Variants in MAP9 observed in about 807,000 individuals in gnomAD.
The protein encoded by MAP9 is microtubule-associated protein 9.
A neutral mutation model predicts 75.2 loss-of-function variants in MAP9; 80 were observed. That is an observed-to-expected ratio of 1.06 (90% CI 0.89 to 1.28). MAP9 has a LOEUF of 1.28. MAP9 is among the 50% of genes most tolerant of loss of function. MAP9 has a pLI of 0.00. For missense variants in MAP9, 753 were observed against 719.9 expected, an observed-to-expected ratio of 1.05 and a Z score of -0.53; for synonymous variants, 235 against 237.3, an observed-to-expected ratio of 0.99 and a Z score of 0.09.
chr4:155,367,750 C>G (rs1732395435), intron 5 of MAP9, among the ~76,000 whole-genome samples: 1 of 152,196 alleles, frequency 6.6e-6, no homozygotes, highest in African/African-American at 2.4e-5. Flanking sequence ...TACTTCCAGT[C>G]TGAATTAGGG....
chr4:155,372,309 G>A (rs551766678), intron 4 of MAP9, among the ~76,000 whole-genome samples: 1 of 152,276 alleles, frequency 6.6e-6, no homozygotes, highest in East Asian at 1.9e-4. Context: ...CTGATGATAT[G>A]CAAGGAGATT....
At position 155,375,756 on chromosome 4, in the gene MAP9, T is replaced by C; in HGVS notation, c.75+20A>G. On this transcript the variant is annotated intron_variant, in intron 2 of 13. Coordinates refer to ENST00000311277, the MANE Select transcript of MAP9 (RefSeq NM_001039580.2). ...TACAGTGTTTACACTGTGAAATGAT[T>C]CCAAATAAAAATACTTTACCTGGAA... 6.6e-7 allele frequency: 1 copy of C among 1,517,788 alleles called. No homozygotes were observed. Among genetic ancestry groups the C allele is most frequent in the Non-Finnish European group, 9.1e-7 (1 of 1,094,826 alleles). 94.0% of individuals were successfully genotyped at this position (1,517,788 alleles called of 1,614,324 possible).
intron 5 of MAP9, chr4:155,368,328 G>T: frequency 3.5e-6 from 2 of 576,252 alleles, no homozygotes; most frequent in Non-Finnish European, 6.1e-6. Flanking sequence ...ACAATCACTG[G>T]TGTGTTATAG....
chr4:155,350,563 ATCT>A (rs1301981789), intron 13 of MAP9, among the ~76,000 whole-genome samples: 3 of 152,066 alleles, frequency 2.0e-5, no homozygotes, highest in Non-Finnish European at 2.9e-5. Context: ...GTCAGTGTAC[ATCT>A]TCTTAATATA....
At chr4:155,348,765 C>T (rs1041984086) in intron 13 of MAP9, among the ~76,000 whole-genome samples, 5 of 151,988 alleles carry the variant, frequency 3.3e-5, no homozygotes, top group African/African-American at 9.7e-5. Flanking sequence ...GTGTACTTTC[C>T]TATAATAAAT....
chr4:155,345,627 C>G lies in MAP9; in HGVS notation c.*2156G>C, dbSNP rs1326383494. 1 of 151,998 alleles carries G rather than the reference C, an allele frequency of 6.6e-6. No homozygotes were observed. Among genetic ancestry groups the G allele is most frequent in the East Asian group, 1.9e-4 (1 of 5,190 alleles). 9.4% of individuals were successfully genotyped at this position (151,998 alleles called of 1,614,324 possible). A position where few individuals can be genotyped will look rare whatever the true frequency, so the allele number is the denominator to read the frequency against. On this transcript the variant is annotated 3_prime_UTR_variant, in exon 14 of 14. Coordinates refer to ENST00000311277, the MANE Select transcript of MAP9 (RefSeq NM_001039580.2). ...CATGGTAATAAATCAATAATGACAA[C>G]AATGAACATTTAAGTCCTTATTATG...
intron 4 of MAP9, among the ~76,000 whole-genome samples, chr4:155,370,640 T>G (rs17032918): frequency 0.094 from 14,276 of 152,190 alleles, 1,658 homozygotes; most frequent in African/African-American, 0.28. Context: ...AAAGAAGGTG[T>G]TGAGTCAATT....
intron 13 of MAP9, chr4:155,352,382 C>T: frequency 2.5e-6 from 1 of 399,036 alleles, no homozygotes; most frequent in Non-Finnish European, 4.4e-6. Context: ...AACAAGTTTT[C>T]AGCCTGGGTG....
chr4:155,352,591 C>G lies in MAP9; in HGVS notation c.1821+5G>C, dbSNP rs371412028. ...GACGAAAGTGCATTGACAAATAATA[C>G]CTACCAGCCATTTTTCATATTCATT... is the stretch of plus-strand genomic sequence containing the variant. On this transcript the variant is annotated splice_donor_5th_base_variant and intron_variant, in intron 13 of 13. Transcript: ENST00000311277. 1 of 1,563,844 alleles carries G rather than the reference C, an allele frequency of 6.4e-7. No homozygotes were observed. Among genetic ancestry groups the G allele is most frequent in the African/African-American group, 1.4e-5 (1 of 72,498 alleles).
intron 6 of MAP9, 181 bp from the exon 7 acceptor site, chr4:155,360,596 A>G (rs1380738003): frequency 1.7e-6 from 1 of 583,706 alleles, no homozygotes; most frequent in African/African-American, 1.9e-5. Context: ...TACAAAAAAA[A>G]ATAGTCTAGG....
At chr4:155,354,470 C>CTTTT (rs11370097) in intron 10 of MAP9, 6,849 of 126,316 alleles carry the variant, frequency 0.054, 362 homozygotes, top group Non-Finnish European at 0.061. Flanking sequence ...CTTGTCGTGC[C>CTTTT]TTTTTTTTTT....
In MAP9 at chr4:155,373,372, T is replaced by G; in HGVS notation, c.245A>C (p.Glu82Ala). Residue 82 changes from glutamate to alanine, a missense_variant, in exon 4 of 14, where the codon GAA (glutamate) becomes GCA (alanine). Coordinates refer to ENST00000311277, the MANE Select transcript of MAP9 (RefSeq NM_001039580.2). Reference protein sequence around the residue: ...KMNDFHISDDEEKNPSKLLFL... With the variant: ...KMNDFHISDDAEKNPSKLLFL... Reference sequence around the variant, plus strand: ...CAATAGTTTTGAAGGATTCTTTTCTTCATCATCTGATATATGAAAGTCATT... The same window carrying G: ...CAATAGTTTTGAAGGATTCTTTTCTGCATCATCTGATATATGAAAGTCATT... 1 of 1,611,714 alleles carries G rather than the reference T, an allele frequency of 6.2e-7. No homozygotes were observed. Among genetic ancestry groups the G allele is most frequent in the Non-Finnish European group, 8.5e-7 (1 of 1,178,588 alleles).
chr4:155,345,947 G>A lies in MAP9; in HGVS notation c.*1836C>T, dbSNP rs1372926621. ...TGTTTTTGGTACTATGGGGGACACA[G>A]GAATGAGTAAGAGAGGTCCTAAATT... On this transcript the variant is annotated 3_prime_UTR_variant, in exon 14 of 14. Transcript: ENST00000311277. The A allele has an allele frequency of 6.6e-6, 1 of 152,104 alleles. No homozygotes were observed. The highest frequency in any genetic ancestry group is 2.4e-5 in the African/African-American group (1 of 41,414). 9.4% of individuals were successfully genotyped at this position (152,104 alleles called of 1,614,324 possible).
At chr4:155,359,763 T>TG (rs1452453116) in intron 7 of MAP9, among the ~76,000 whole-genome samples, 2 of 152,096 alleles carry the variant, frequency 1.3e-5, no homozygotes, top group Admixed American at 1.3e-4. Context: ...AAACATTTCT[T>TG]TAAGATTTTT....
intron 4 of MAP9, chr4:155,372,888 C>T: frequency 3.4e-6 from 1 of 290,316 alleles, no homozygotes; most frequent in Non-Finnish European, 6.3e-6. Flanking sequence ...TGGCTTTGTG[C>T]TTTGGCTTTC....
chr4:155,374,930 C>A lies in MAP9; in HGVS notation c.160+7G>T. ...AAAGTGGTTCACGTTTCCATACTGT[C>A]ACATACCAATCTCATCACTGTCAAA... On this transcript the variant is annotated splice_region_variant and intron_variant, in intron 3 of 13. Transcript: ENST00000311277. The A allele has an allele frequency of 6.4e-7, 1 of 1,560,522 alleles. No individual in the cohort carries two copies.
At chr4:155,363,498 C>G (rs1323324359) in intron 5 of MAP9, among the ~76,000 whole-genome samples, 1 of 151,952 alleles carries the variant, frequency 6.6e-6, no homozygotes, top group East Asian at 1.9e-4. Flanking sequence ...TTTAAAATAG[C>G]TAATATAAAT....
In MAP9 at chr4:155,357,437, T is replaced by C. The variant is rs1329370605; in HGVS notation, c.1121+12A>G. On this transcript the variant is annotated intron_variant, in intron 8 of 13. Transcript: ENST00000311277. ...CAAGCCCATAAATGACAAATATTGG[T>C]AACTTTATTACCTGGCAGATGCACT... 1 of 1,509,536 alleles carries C rather than the reference T, an allele frequency of 6.6e-7. No individual in the cohort carries two copies. Among genetic ancestry groups the C allele is most frequent in the Non-Finnish European group, 9.2e-7 (1 of 1,086,548 alleles). The allele number at this position is 1,509,536 out of a possible 1,614,324, so 93.5% of individuals were successfully genotyped here. A position where few individuals can be genotyped will look rare whatever the true frequency, so the allele number is the denominator to read the frequency against.
Position 155,374,940 on chromosome 4 carries a change from T to C in MAP9, c.157A>G (p.Ile53Val). The C allele has an allele frequency of 6.3e-7, 1 of 1,577,584 alleles. No homozygotes were observed. The highest frequency in any genetic ancestry group is 1.3e-5 in the African/African-American group (1 of 74,600). The stretch of plus-strand genomic sequence containing the variant: ...ACGTTTCCATACTGTCACATACCAA[T>C]CTCATCACTGTCAAAGTCATCTGAG... ...EYSDDFDSDE[I>V]VSLGDFSDTS... is the part of the protein sequence containing the mutation. The change falls in exon 3 of 14, where the codon ATT becomes GTT. Residue 53 changes from isoleucine to valine, a missense_variant. By Grantham distance (29) the Ile-to-Val change is conservative. Transcript: ENST00000311277.
Sources: gnomAD v4.1 joint callset for allele counts (sites outside exome capture counted in the v4.1 genomes callset) on GRCh38, gnomAD v4.1.1 for gene constraint, MANE v1.5 for transcripts, NCBI Gene and HGNC (gene_info 2026-07-23, HGNC 2026-07-21) for gene names.